The following RPGRIP1 variants were observed in gnomAD, a reference collection of about 807,000 sequenced individuals.
RPGRIP1 encodes the protein X-linked retinitis pigmentosa GTPase regulator-interacting protein 1.
RPGRIP1 carries 128 observed loss-of-function variants against 157.9 expected under a neutral mutation model. That is an observed-to-expected ratio of 0.81 (90% CI 0.70 to 0.94). The LOEUF is 0.94. RPGRIP1 is among the 40% of genes least tolerant of loss of function. The pLI is 0.00. For missense variants in RPGRIP1, 1,486 were observed against 1,545.8 expected (o/e 0.96, Z 0.65); for synonymous variants, 554 against 571.6 (o/e 0.97, Z 0.44).
chr14:21,344,957 A>T (rs1347619101), intron 22 of RPGRIP1, among the ~76,000 whole-genome samples, 156 bp from the exon 23 acceptor site: 1 of 151,950 alleles, frequency 6.6e-6, no homozygotes, highest in African/African-American at 2.4e-5. Context: ...CACACACACA[A>T]ATGATTTTCA....
intron 20 of RPGRIP1, among the ~76,000 whole-genome samples, chr14:21,332,435 A>T (rs1883886534): frequency 6.6e-6 from 1 of 152,208 alleles, no homozygotes; most frequent in Admixed American, 6.5e-5. Flanking sequence ...AATTTACATG[A>T]CTGGCAAGAA....
At chr14:21,349,878 G>A (rs761438200) in intron 24 of RPGRIP1, among the ~76,000 whole-genome samples, 13 of 152,088 alleles carry the variant, frequency 8.5e-5, no homozygotes, top group African/African-American at 2.9e-4. Context: ...TTGGGACTGC[G>A]CTGTCCAGTC....
intron 21 of RPGRIP1, 87 bp downstream of exon 21, chr14:21,334,792 C>CA: frequency 2.2e-6 from 2 of 890,816 alleles, no homozygotes; most frequent in Non-Finnish European, 3.4e-6. Flanking sequence ...CCTGTAATCC[C>CA]AGCACCTTGG....
chr14:21,307,772 A>G lies in RPGRIP1; in HGVS notation c.842A>G (p.Lys281Arg). The change falls in exon 7 of 25, where the codon AAG (lysine) becomes AGG (arginine). Residue 281 changes from lysine to arginine, a missense_variant. Coordinates refer to ENST00000400017, the MANE Select transcript of RPGRIP1 (RefSeq NM_020366.4). ...KEKVELIRLK[K>R]LLHERNASLV... The stretch of plus-strand genomic sequence containing the variant: ...AAGGTAGAGCTGATTCGACTTAAGA[A>G]GCTCTTACATGAAAGAAATGCTTCA... The G allele has an allele frequency of 6.4e-7, 1 of 1,569,854 alleles. No homozygotes were observed. Among genetic ancestry groups the G allele is most frequent in the Non-Finnish European group, 8.6e-7 (1 of 1,157,060 alleles).
chr14:21,327,960 G>A (rs919943445), intron 18 of RPGRIP1, among the ~76,000 whole-genome samples, 153 bp downstream of exon 18: 8 of 152,308 alleles, frequency 5.3e-5, no homozygotes, highest in African/African-American at 1.4e-4. Context: ...CCTGAGGTCA[G>A]GAGTTCAAGA....
rs1882941322 is a variant in RPGRIP1, at chr14:21,325,212, T to C, written c.2216-20T>C. ...CACACCATCTGTATTCCCCCTGCTT[T>C]CACACTTTCTGCTACCCAGGAGCTG... On this transcript the variant is annotated intron_variant, in intron 15 of 24. Transcript: ENST00000400017. The C allele has an allele frequency of 6.3e-7, 1 of 1,588,836 alleles. No homozygotes were observed. The highest frequency in any genetic ancestry group is 2.2e-5 in the East Asian group (1 of 44,684).
chr14:21,345,584 A>G (rs148375914), intron 23 of RPGRIP1, among the ~76,000 whole-genome samples: 1 of 151,740 alleles, frequency 6.6e-6, no homozygotes, highest in African/African-American at 2.4e-5. Context: ...TTGTGTTTGT[A>G]GTAGAGATAG....
intron 2 of RPGRIP1, 119 bp downstream of exon 2, chr14:21,288,180 CTTTTTTTTTT>C: frequency 4.1e-6 from 2 of 490,618 alleles, no homozygotes; most frequent in Non-Finnish European, 7.3e-6. Flanking sequence ...AGTCTTCTCA[CTTTTTTTTTT>C]TTTTTTTTGA....
rs558101887 is a variant in RPGRIP1, at chr14:21,297,721, G to A, written c.218+2912G>A. ...TGTTAGAACTTATTATAGTATCTAA[G>A]CTTTGTTTGATTGGGTGATTTTGGG... is the stretch of plus-strand genomic sequence containing the variant. On this transcript the variant is annotated intron_variant, in intron 3 of 24. Transcript: ENST00000400017. Among the ~76,000 whole-genome samples the A allele has an allele frequency of 2.6e-5, 4 of 152,262 alleles. No homozygotes were observed. In the East Asian group the frequency reaches 7.7e-4, roughly 29 times the overall value.
chr14:21,303,684 T>C lies in RPGRIP1; in HGVS notation c.800+141T>C, dbSNP rs149833326. The C allele has an allele frequency of 7.7e-4, 523 of 675,348 alleles. 6 individuals carry two copies. In the African/African-American group the frequency reaches 8.8e-3, roughly 11 times the overall value. 41.8% of individuals were successfully genotyped at this position (675,348 alleles called of 1,614,324 possible). On this transcript the variant is annotated intron_variant, in intron 6 of 24. Transcript: ENST00000400017. ...GGAGTAGTAGACACGGAGTCCCTCG[T>C]AGGTTAAGAAATGGATTAACCTGCG... is the stretch of plus-strand genomic sequence containing the variant.
chr14:21,319,259 T>C (rs1321697251), intron 11 of RPGRIP1, among the ~76,000 whole-genome samples: 1 of 152,116 alleles, frequency 6.6e-6, no homozygotes, highest in Admixed American at 6.6e-5. Flanking sequence ...ATTACCTTTA[T>C]TCCCTGAAAA....
chr14:21,327,734 A>C lies in RPGRIP1; in HGVS notation c.2822A>C (p.Gln941Pro). Residue 941 changes from glutamine to proline, a missense_variant, in exon 18 of 25, where the codon CAG becomes CCG. Coordinates refer to ENST00000400017, the MANE Select transcript of RPGRIP1 (RefSeq NM_020366.4). ...PPESFLKPEA[Q>P]TKGKDTKDSS... The stretch of plus-strand genomic sequence containing the variant: ...GAGAGCTTCCTGAAACCAGAAGCTC[A>C]GACTAAGGGGAAGGATACCAAGGAC... 1 of 1,613,894 alleles carries C rather than the reference A, an allele frequency of 6.2e-7. No individual in the cohort carries two copies. The highest frequency in any genetic ancestry group is 8.5e-7 in the Non-Finnish European group (1 of 1,179,820).
At chr14:21,293,513 C>A (rs1880623309) in intron 2 of RPGRIP1, among the ~76,000 whole-genome samples, 1 of 152,064 alleles carries the variant, frequency 6.6e-6, no homozygotes, top group South Asian at 2.1e-4. Context: ...GAGGCCGAGG[C>A]AGGTGGATCA....
chr14:21,307,064 G>A (rs550792226), intron 6 of RPGRIP1, among the ~76,000 whole-genome samples: 2 of 152,084 alleles, frequency 1.3e-5, no homozygotes, highest in Admixed American at 6.5e-5. Flanking sequence ...CTGAGCCACC[G>A]CACTCGGCCA....
rs1462500969 is a variant in RPGRIP1 at position 21,287,946 on chromosome 14, T to A, written c.-31T>A. The A allele has an allele frequency of 6.7e-7, 1 of 1,499,298 alleles. No homozygotes were observed. Among genetic ancestry groups the A allele is most frequent in the Admixed American group, 1.7e-5 (1 of 58,190 alleles). The allele number at this position is 1,499,298 out of a possible 1,614,324, so 92.9% of individuals were successfully genotyped here. ...ACTTTTCCTTTATTTCAGTGTCCTC[T>A]GGGATCTCTTACAGCTTGGGAACAG... On this transcript the variant is annotated 5_prime_UTR_variant, in exon 2 of 25. Coordinates refer to ENST00000400017, the MANE Select transcript of RPGRIP1 (RefSeq NM_020366.4).
At chr14:21,330,441 G>A in intron 20 of RPGRIP1, 54 bp downstream of exon 20, 1 of 1,265,076 alleles carries the variant, frequency 7.9e-7, no homozygotes, top group Non-Finnish European at 1.0e-6. Context: ...GGCCGAGGTG[G>A]GCAGATCACG....
intron 6 of RPGRIP1, among the ~76,000 whole-genome samples, 200 bp from the exon 7 acceptor site, chr14:21,307,531 T>A (rs537128163): frequency 2.0e-4 from 31 of 152,364 alleles, no homozygotes; most frequent in African/African-American, 7.5e-4. Context: ...CTCTATCAAA[T>A]CTTGGCTGGC....
intron 2 of RPGRIP1, 118 bp from the exon 3 acceptor site, chr14:21,294,559 C>A: frequency 9.6e-7 from 1 of 1,036,766 alleles, no homozygotes; most frequent in Non-Finnish European, 1.4e-6. Context: ...CTGATTTCCT[C>A]ATAAATACTT....
intron 1 of RPGRIP1, among the ~76,000 whole-genome samples, chr14:21,280,721 C>A (rs895980511): frequency 6.6e-6 from 1 of 151,908 alleles, no homozygotes; most frequent in Non-Finnish European, 1.5e-5. Flanking sequence ...CATCCCCCAC[C>A]CCCCTCCTTC....
Sources: allele counts gnomAD v4.1 joint callset (sites outside exome capture counted in the v4.1 genomes callset), GRCh38; gene constraint gnomAD v4.1.1; transcripts MANE v1.5; gene names NCBI Gene and HGNC (gene_info 2026-07-23, HGNC 2026-07-21).